The following ZMYND11 variants were observed in gnomAD, a reference collection of about 807,000 sequenced individuals.
ZMYND11 encodes the protein zinc finger MYND domain-containing protein 11.
ZMYND11 carries 9 observed loss-of-function variants against 84.9 expected under a neutral mutation model. The observed-to-expected ratio is 0.11, with a 90% confidence interval of 0.06 to 0.18. The LOEUF (loss-of-function observed/expected upper bound fraction) is 0.18, where lower values mean the gene tolerates loss of function less well. Among genes scored for constraint, ZMYND11 ranks in the 10% least tolerant of loss-of-function variants. ZMYND11 has a pLI of 1.00. For missense variants in ZMYND11, 409 were observed against 761.0 expected (o/e 0.54, Z 5.44); for synonymous variants, 250 against 244.1 (o/e 1.02, Z -0.23).
intron 1 of ZMYND11, among the ~76,000 whole-genome samples, chr10:151,685 C>T (rs182984679): frequency 1.4e-4 from 22 of 152,180 alleles, no homozygotes; most frequent in Admixed American, 2.6e-4. Context: ...GCAAGGCAGG[C>T]CAACATTCAG....
chr10:211,533 C>T (rs1296564350), intron 3 of ZMYND11, among the ~76,000 whole-genome samples: 1 of 152,148 alleles, frequency 6.6e-6, no homozygotes, highest in Non-Finnish European at 1.5e-5. Context: ...AACTAACTAG[C>T]AAGTGCCTGT....
intron 1 of ZMYND11, among the ~76,000 whole-genome samples, chr10:171,391 C>A (rs1185678301): frequency 6.6e-6 from 1 of 152,100 alleles, no homozygotes; most frequent in African/African-American, 2.4e-5. Context: ...TCACACAGAA[C>A]ATTCACCAAC....
intron 2 of ZMYND11, among the ~76,000 whole-genome samples, chr10:206,873 G>T (rs1944278973): frequency 6.6e-6 from 1 of 151,400 alleles, no homozygotes; most frequent in Non-Finnish European, 1.5e-5. Context: ...TTAAGTTTTA[G>T]GGTACATGTG....
intron 3 of ZMYND11, among the ~76,000 whole-genome samples, chr10:220,246 G>A (rs1180609836): frequency 2.0e-5 from 3 of 152,082 alleles, no homozygotes; most frequent in Non-Finnish European, 4.4e-5. Flanking sequence ...ACTGGAAGTG[G>A]CCCTGTTTAT....
chr10:134,947 C>T (rs146152255), upstream of ZMYND11: 2 of 149,722 alleles, frequency 1.3e-5, no homozygotes, highest in Non-Finnish European at 3.0e-5. Context: ...GCGAGCCGGG[C>T]CGGCCGCGCG....
At chr10:182,873 A>G (rs534852691) in intron 2 of ZMYND11, among the ~76,000 whole-genome samples, 1 of 152,288 alleles carries the variant, frequency 6.6e-6, no homozygotes, top group African/African-American at 2.4e-5. Context: ...GTAGGTAAAT[A>G]CTTTTCAAGC....
chr10:238,065 G>A lies in ZMYND11; in HGVS notation c.609+388G>A, dbSNP rs185859591. Among the ~76,000 whole-genome samples the A allele has an allele frequency of 1.2e-4, 19 of 152,240 alleles. No individual in the cohort carries two copies. The East Asian group carries it at 2.3e-3, about 19-fold the overall frequency. ...AGAAAAAAAAGTAAAGCATAGAACT[G>A]ATCTGCCGTCTTGGGAAACAATAAA... is the stretch of plus-strand genomic sequence containing the variant. On this transcript the variant is annotated intron_variant, in intron 6 of 14. Transcript: ENST00000381604.
intron 2 of ZMYND11, among the ~76,000 whole-genome samples, chr10:189,845 A>T (rs1233263017): frequency 6.6e-6 from 1 of 152,218 alleles, no homozygotes; most frequent in Non-Finnish European, 1.5e-5. Context: ...ACCTTATTTG[A>T]GGGGACAGTC....
intron 1 of ZMYND11, among the ~76,000 whole-genome samples, chr10:142,935 G>T (rs186311916): frequency 6.6e-6 from 1 of 152,216 alleles, no homozygotes; most frequent in Non-Finnish European, 1.5e-5. Flanking sequence ...CTTGGTTCAG[G>T]GGCAGGAGCA....
At chr10:155,603 CG>C (rs111706119) in intron 1 of ZMYND11, among the ~76,000 whole-genome samples, 1 of 152,018 alleles carries the variant, frequency 6.6e-6, no homozygotes, top group Non-Finnish European at 1.5e-5. Flanking sequence ...TACAAACACA[CG>C]AAAAAGGTTT....
rs766119013 is a variant in ZMYND11 at position 240,080 on chromosome 10, C to T, written c.722C>T (p.Ala241Val). 6.8e-6 allele frequency: 11 copies of T among 1,611,166 alleles called. No individual in the cohort carries two copies. The highest frequency in any genetic ancestry group is 1.1e-5 in the South Asian group (1 of 90,488). The change falls in exon 8 of 15, where the codon GCG becomes GTG. Residue 241 changes from alanine (A) to valine (V), a missense_variant. Physicochemically the swap from Ala to Val is moderately conservative, Grantham distance 64. Around this residue, in one of 7 missense-constraint regions of ZMYND11, gnomAD observed 59 missense variants for 151.0 expected, o/e 0.39. Transcript: ENST00000381604. ...GCAGACAGTGAGCAAGCTGACATTG[C>T]GAGGATGCTATATAAAGACACATGT... ...YGADSEQADI[A>V]RMLYKDTCHE...
intron 1 of ZMYND11, among the ~76,000 whole-genome samples, chr10:178,715 A>C (rs1188250561): frequency 6.6e-6 from 1 of 152,210 alleles, no homozygotes; most frequent in Non-Finnish European, 1.5e-5. Flanking sequence ...AACTATTAGA[A>C]GTAATAGTGT....
At chr10:194,576 C>T (rs1052869963) in intron 2 of ZMYND11, among the ~76,000 whole-genome samples, 4 of 152,170 alleles carry the variant, frequency 2.6e-5, no homozygotes, top group African/African-American at 9.7e-5. Flanking sequence ...TTCTCTCCAA[C>T]ACCTGGTATT....
At chr10:155,025 A>T (rs940860093) in intron 1 of ZMYND11, 18 of 152,088 alleles carry the variant, frequency 1.2e-4, no homozygotes, top group African/African-American at 4.3e-4. Flanking sequence ...TTAGTATATG[A>T]TATGCTCCTG....
At chr10:248,755 A>G (rs1952726107) in intron 13 of ZMYND11, 147 bp downstream of exon 13, 1 of 1,389,034 alleles carries the variant, frequency 7.2e-7, no homozygotes, top group East Asian at 2.5e-5. Context: ...TTCAAGTAAT[A>G]ATGATACTTT....
intron 1 of ZMYND11, among the ~76,000 whole-genome samples, chr10:163,437 T>A (rs782330358): frequency 3.9e-5 from 6 of 152,172 alleles, no homozygotes; most frequent in Non-Finnish European, 7.4e-5. Flanking sequence ...TCTTGTCTCC[T>A]ATTGTGCATT....
In ZMYND11 at chr10:180,078, T is replaced by A; in HGVS notation, c.66T>A (p.Ile22=). 2 of 1,613,808 alleles carry A rather than the reference T, an allele frequency of 1.2e-6. No homozygotes were observed. The highest frequency in any genetic ancestry group is 2.2e-5 in the South Asian group (2 of 91,072). ...CTATCCAGCATCTTTGGGCAGCCAT[T>A]GAGATTATACGGAACCAGAAGCAGA... ...TKAIQHLWAA[I]EIIRNQKQIA... is the part of the protein sequence containing the mutation. Residue 22 remains isoleucine, a synonymous_variant, in exon 2 of 15, where the codon ATT becomes ATA. Coordinates refer to ENST00000381604, the MANE Select transcript of ZMYND11 (RefSeq NM_001370100.5).
intron 1 of ZMYND11, among the ~76,000 whole-genome samples, chr10:136,301 G>GGGA (rs1836038590): frequency 1.3e-5 from 2 of 152,200 alleles, no homozygotes; most frequent in Non-Finnish European, 2.9e-5. Context: ...CTCCCGAGCC[G>GGGA]GGAGGAGGAG....
intron 2 of ZMYND11, among the ~76,000 whole-genome samples, chr10:188,011 A>G (rs769192905): frequency 2.6e-5 from 4 of 152,194 alleles, no homozygotes; most frequent in Admixed American, 6.5e-5. Flanking sequence ...GTTATGTGTG[A>G]AGATAAGCAC....
Sources: allele counts gnomAD v4.1 joint callset (sites outside exome capture counted in the v4.1 genomes callset), GRCh38; gene constraint gnomAD v4.1.1; regional missense constraint gnomAD v4.1.1; transcripts MANE v1.5; gene names NCBI Gene and HGNC (gene_info 2026-07-23, HGNC 2026-07-21).